The following TTC29 variants were observed in gnomAD, a reference collection of about 807,000 sequenced individuals.
TTC29 encodes tetratricopeptide repeat domain 29, also known as tetratricopeptide repeat protein 29.
A neutral mutation model predicts 58.1 loss-of-function variants in TTC29; 49 were observed. The observed-to-expected ratio is 0.84, with a 90% CI of 0.67 to 1.07. The LOEUF (loss-of-function observed/expected upper bound fraction) is 1.07, where lower values mean the gene tolerates loss of function less well. Ranked by LOEUF, TTC29 falls within the 50% of genes least tolerant of loss-of-function variation. The pLI, the probability that TTC29 is intolerant of heterozygous loss-of-function variation, is 0.00. For synonymous variants in TTC29, 209 were observed against 196.8 expected, an observed-to-expected ratio of 1.06 and a Z score of -0.52; for missense variants, 582 against 555.6, an observed-to-expected ratio of 1.05 and a Z score of -0.48.
chr4:146,898,636 T>G (rs1390455004), intron 6 of TTC29, among the ~76,000 whole-genome samples: 1 of 152,234 alleles, frequency 6.6e-6, no homozygotes, highest in East Asian at 1.9e-4. Flanking sequence ...TTGTCTGCAG[T>G]GAACATATTC....
intron 11 of TTC29, among the ~76,000 whole-genome samples, chr4:146,767,301 G>A (rs1188273524): frequency 1.3e-5 from 2 of 151,890 alleles, no homozygotes; most frequent in East Asian, 1.9e-4. Flanking sequence ...TTTCTCAACC[G>A]TAAAATGCAG....
At chr4:146,875,479 G>A (rs531227826) in intron 6 of TTC29, among the ~76,000 whole-genome samples, 3 of 151,990 alleles carry the variant, frequency 2.0e-5, no homozygotes, top group East Asian at 1.9e-4. Context: ...TTTTCCAACA[G>A]ATGACAATTT....
chr4:146,787,058 A>AAAG (rs1381447100), intron 11 of TTC29, among the ~76,000 whole-genome samples: 1 of 152,156 alleles, frequency 6.6e-6, no homozygotes, highest in Non-Finnish European at 1.5e-5. Flanking sequence ...GAGTAAATTT[A>AAAG]AAGTCACAGA....
intron 9 of TTC29, among the ~76,000 whole-genome samples, chr4:146,828,864 G>A (rs769750569): frequency 6.6e-6 from 1 of 152,152 alleles, no homozygotes; most frequent in Non-Finnish European, 1.5e-5. Context: ...ACTTGTTAAT[G>A]TAACATCTGA....
chr4:146,749,594 G>C (rs1285608170), intron 11 of TTC29, among the ~76,000 whole-genome samples: 1 of 152,072 alleles, frequency 6.6e-6, no homozygotes, highest in Non-Finnish European at 1.5e-5. Flanking sequence ...GAGAAGAGGA[G>C]ACAGAGAAAG....
At chr4:146,778,976 CAAAAAAAA>C (rs369374851) in intron 11 of TTC29, among the ~76,000 whole-genome samples, 3 of 28,540 alleles carry the variant, frequency 1.1e-4, no homozygotes, top group South Asian at 2.0e-3. Context: ...CCTAAATAAG[CAAAAAAAA>C]AAAAAAAAAA....
In TTC29 at chr4:146,820,146, A is replaced by G. The variant is rs750011253; in HGVS notation, c.1080T>C (p.Leu360=). The G allele has an allele frequency of 7.4e-6, 12 of 1,613,202 alleles. No homozygotes were observed. Among genetic ancestry groups the G allele is most frequent in the Non-Finnish European group, 9.3e-6 (11 of 1,179,772 alleles). The part of the protein sequence containing the change: ...SLDLVRASTM[L]GDIYNEKGYY... ...TCACTTTTTCATTGTAGATGTCCCC[A>G]AGCATTGTACTTGCTCTCACCAAAT... Residue 360 remains leucine (L), a synonymous_variant, in exon 10 of 13, where the codon CTT becomes CTC. Coordinates refer to ENST00000325106, the MANE Select transcript of TTC29 (RefSeq NM_031956.4).
intron 11 of TTC29, among the ~76,000 whole-genome samples, chr4:146,708,551 GTTAAT>G (rs980943077): frequency 1.1e-4 from 17 of 151,058 alleles, no homozygotes; most frequent in Non-Finnish European, 1.8e-4. Context: ...AGAGAGCCAT[GTTAAT>G]TTGTTACTTA....
At chr4:146,721,660 T>A (rs1392295220) in intron 11 of TTC29, among the ~76,000 whole-genome samples, 2 of 152,152 alleles carry the variant, frequency 1.3e-5, no homozygotes, top group Non-Finnish European at 2.9e-5. Context: ...ACGCATCTAT[T>A]CTTAAAAGTT....
At chr4:146,748,991 A>C (rs1745760358) in intron 11 of TTC29, among the ~76,000 whole-genome samples, 1 of 152,198 alleles carries the variant, frequency 6.6e-6, no homozygotes, top group Non-Finnish European at 1.5e-5. Context: ...GAAATCAAAA[A>C]AATAATTTAT....
rs557454685 is a variant in TTC29 at position 146,873,601 on chromosome 4, C to T, written c.799+1115G>A. Among the ~76,000 whole-genome samples the T allele has an allele frequency of 5.9e-5, 9 of 152,278 alleles. No individual in the cohort carries two copies. In the South Asian group the frequency reaches 1.7e-3, roughly 28 times the overall value. On this transcript the variant is annotated intron_variant, in intron 7 of 12. Coordinates refer to ENST00000325106, the MANE Select transcript of TTC29 (RefSeq NM_031956.4). ...TCCTTTTCATTGAAATTCCATGTAA[C>T]TTTCCATGTGACTAAAGTTTGCTGC...
intron 6 of TTC29, among the ~76,000 whole-genome samples, chr4:146,877,279 AT>A (rs1202812470): frequency 6.6e-6 from 1 of 151,750 alleles, no homozygotes; most frequent in Non-Finnish European, 1.5e-5. Context: ...CTTTTTCTTG[AT>A]TTTTTTTCTG....
intron 7 of TTC29, among the ~76,000 whole-genome samples, chr4:146,871,889 A>G (rs1730955875): frequency 6.6e-6 from 1 of 152,042 alleles, no homozygotes; most frequent in Non-Finnish European, 1.5e-5. Flanking sequence ...TTCTGCAGAA[A>G]TTAACAAGCT....
At chr4:146,891,147 A>G (rs1045605240) in intron 6 of TTC29, among the ~76,000 whole-genome samples, 10 of 152,160 alleles carry the variant, frequency 6.6e-5, no homozygotes, top group African/African-American at 2.4e-4. Flanking sequence ...ACCCTAAACT[A>G]CTAGTTCACA....
intron 11 of TTC29, among the ~76,000 whole-genome samples, chr4:146,725,911 T>C (rs539951329): frequency 1.3e-5 from 2 of 152,252 alleles, no homozygotes; most frequent in East Asian, 3.9e-4. Flanking sequence ...CTCACTCTGT[T>C]GCCCAGGTTG....
intron 6 of TTC29, among the ~76,000 whole-genome samples, chr4:146,884,562 T>A (rs1254739265): frequency 3.9e-5 from 6 of 152,124 alleles, no homozygotes; most frequent in Non-Finnish European, 8.8e-5. Context: ...CCAGGGAATC[T>A]TTTTGGAAAA....
In TTC29 at chr4:146,739,764, C is replaced by T. The variant is rs115528528; in HGVS notation, c.1331-32213G>A. ...CACTTTTGACCAATAAATGTAGTGC[C>T]CTTCTGTATCTTATTCCCTATTGTA... On this transcript the variant is annotated intron_variant, in intron 11 of 12. Coordinates refer to ENST00000325106, the MANE Select transcript of TTC29 (RefSeq NM_031956.4). Among the ~76,000 whole-genome samples, 899 of 152,150 alleles carry T rather than the reference C, an allele frequency of 5.9e-3. 16 individuals are homozygous for T. Among genetic ancestry groups the T allele is most frequent in the African/African-American group, 0.02 (839 of 41,516 alleles).
In TTC29 at chr4:146,937,645, T is replaced by C. The variant is rs1179791085; in HGVS notation, c.125A>G (p.Asp42Gly). 3.2e-6 allele frequency: 5 copies of C among 1,538,776 alleles called. No homozygotes were observed. Among genetic ancestry groups the C allele is most frequent in the Non-Finnish European group, 4.4e-6 (5 of 1,138,170 alleles). ...TTTGAAATTTACCTCTAGATAATGATCTATGTCATCTTTTTCTTTGATCAA... is the reference window on the plus strand; with the variant it reads ...TTTGAAATTTACCTCTAGATAATGACCTATGTCATCTTTTTCTTTGATCAA... The part of the protein sequence containing the change: ...SQLIKEKDDI[D>G]HYLEVNFKGL... Residue 42 changes from aspartate to glycine, a missense_variant, in exon 4 of 13, where the codon GAT (aspartate) becomes GGT (glycine). Asp to Gly is a moderately conservative substitution (Grantham distance 94, BLOSUM62 -1). Transcript: ENST00000325106.
intron 11 of TTC29, among the ~76,000 whole-genome samples, chr4:146,785,425 TTGAC>T (rs1249662614): frequency 6.6e-6 from 1 of 152,216 alleles, no homozygotes; most frequent in East Asian, 1.9e-4. Flanking sequence ...TCATCAAAGT[TTGAC>T]TGATGAATAA....
Sources: gnomAD v4.1 joint callset for allele counts (sites outside exome capture counted in the v4.1 genomes callset) on GRCh38, gnomAD v4.1.1 for gene constraint, MANE v1.5 for transcripts, NCBI Gene and HGNC (gene_info 2026-07-23, HGNC 2026-07-21) for gene names.